Variants in TENM3 observed in about 807,000 individuals in gnomAD.
The protein encoded by TENM3 is teneurin transmembrane protein 3, also known as teneurin-3.
TENM3 carries 63 observed loss-of-function variants against 255.1 expected under a neutral mutation model. The observed-to-expected ratio is 0.25, with a 90% CI of 0.20 to 0.30. TENM3 has a LOEUF of 0.30. Ranked by LOEUF, TENM3 falls within the 10% of genes least tolerant of loss-of-function variation. TENM3 has a pLI of 1.00. For missense variants in TENM3, 2,929 were observed against 3,461.1 expected, an observed-to-expected ratio of 0.85 and a Z score of 3.86; for synonymous variants, 1,306 against 1,322.3, an observed-to-expected ratio of 0.99 and a Z score of 0.27.
chr4:182,771,326 T>G (rs1011495471), intron 22 of TENM3, among the ~76,000 whole-genome samples: 1 of 152,062 alleles, frequency 6.6e-6, no homozygotes, highest in Admixed American at 6.6e-5. Flanking sequence ...GGTGGTACAA[T>G]CTATATAAAG....
At chr4:181,499,897 C>T in the TENM3 span, among the ~76,000 whole-genome samples, 34 of 152,264 alleles carry the variant, frequency 2.2e-4, no homozygotes, top group African/African-American at 5.3e-4. Flanking sequence ...TCAGAAGTGG[C>T]GCAGTCTAGA....
At chr4:181,750,757 C>T in the TENM3 span, among the ~76,000 whole-genome samples, 2 of 152,112 alleles carry the variant, frequency 1.3e-5, no homozygotes, top group Non-Finnish European at 2.9e-5. Context: ...TTTGGGCCAC[C>T]CACATGTTGG....
the TENM3 span, among the ~76,000 whole-genome samples, chr4:181,892,698 C>T: frequency 6.6e-6 from 1 of 152,074 alleles, no homozygotes; most frequent in South Asian, 2.1e-4. Context: ...TCCTACACAT[C>T]GTTAATACTC....
chr4:181,630,242 A>G, the TENM3 span, among the ~76,000 whole-genome samples: 13,613 of 152,088 alleles, frequency 0.09, 643 homozygotes, highest in East Asian at 0.14. Context: ...ATCTTTATTA[A>G]TCTTGCTAGT....
chr4:182,499,886 C>T (rs1431779228), intron 3 of TENM3, among the ~76,000 whole-genome samples: 3 of 152,256 alleles, frequency 2.0e-5, no homozygotes, highest in Non-Finnish European at 4.4e-5. Context: ...ATGCTGTATA[C>T]ATAAACATTG....
intron 1 of TENM3, among the ~76,000 whole-genome samples, chr4:182,192,518 G>C (rs1295004394): frequency 6.6e-6 from 1 of 152,136 alleles, no homozygotes; most frequent in Admixed American, 6.6e-5. Context: ...TCATTAACTG[G>C]CATACAGTGA....
the TENM3 span, among the ~76,000 whole-genome samples, chr4:181,678,196 A>C: frequency 6.6e-6 from 1 of 152,108 alleles, no homozygotes; most frequent in Non-Finnish European, 1.5e-5. Context: ...ATCACTGAAC[A>C]CCACAAAAAT....
In TENM3 at chr4:182,442,181, A is replaced by C. The variant is rs181565109; in HGVS notation, c.511+95252A>C. Among the ~76,000 whole-genome samples, 3 of 152,342 alleles carry C rather than the reference A, an allele frequency of 2.0e-5. No homozygotes were observed. The East Asian group carries it at 5.8e-4, about 29-fold the overall frequency. Reference sequence around the variant, plus strand: ...TGCATAAATATATGTGCATACTCATAAATCGTGTTCACAAAGTCAGAAAAT... The same window carrying C: ...TGCATAAATATATGTGCATACTCATCAATCGTGTTCACAAAGTCAGAAAAT... On this transcript the variant is annotated intron_variant, in intron 3 of 27. Coordinates refer to ENST00000511685, the MANE Select transcript of TENM3 (RefSeq NM_001080477.4).
the TENM3 span, among the ~76,000 whole-genome samples, chr4:181,605,543 A>AG: frequency 3.6e-5 from 1 of 27,472 alleles, no homozygotes; most frequent in African/African-American, 7.4e-5. Flanking sequence ...AGAAAGAAAG[A>AG]AAGAAAGAAA....
intron 1 of TENM3, among the ~76,000 whole-genome samples, chr4:182,291,948 A>G (rs1435653285): frequency 6.6e-6 from 1 of 152,056 alleles, no homozygotes; most frequent in Non-Finnish European, 1.5e-5. Flanking sequence ...TCAGCCCTAG[A>G]ATGGTTTTCT....
At chr4:182,456,232 C>T (rs946867489) in intron 3 of TENM3, among the ~76,000 whole-genome samples, 1 of 152,170 alleles carries the variant, frequency 6.6e-6, no homozygotes, top group Non-Finnish European at 1.5e-5. Flanking sequence ...CTGGCCTGTC[C>T]GTGCTGTCAG....
chr4:182,215,156 G>C (rs985485579), intron 1 of TENM3, among the ~76,000 whole-genome samples: 10 of 152,188 alleles, frequency 6.6e-5, no homozygotes, highest in African/African-American at 2.4e-4. Context: ...CACTGGGGCA[G>C]CAGGGTTGTA....
chr4:182,354,898 A>G (rs568022366), intron 3 of TENM3, among the ~76,000 whole-genome samples: 1 of 152,358 alleles, frequency 6.6e-6, no homozygotes, highest in South Asian at 2.1e-4. Flanking sequence ...CTTATTTAGT[A>G]TATCAACTAA....
chr4:182,177,639 CAAAACTACTT>C lies in TENM3; in HGVS notation c.-76+32888_-76+32897del, dbSNP rs1752581610. Among the ~76,000 whole-genome samples, 3 of 150,164 alleles carry C rather than the reference CAAAACTACTT, an allele frequency of 2.0e-5. No homozygotes were observed. In the South Asian group the frequency reaches 6.3e-4, roughly 32 times the overall value. ...ATTTTTTTTTTTTTTGCTCTACCCT[CAAAACTACTT>C]AAGTGATGTTGCTTGTTGAAAGGTT... is the stretch of plus-strand genomic sequence containing the variant. On this transcript the variant is annotated intron_variant, in intron 1 of 2. Coordinates refer to the TENM3 transcript ENST00000512480.
At chr4:181,737,928 G>A in the TENM3 span, among the ~76,000 whole-genome samples, 7 of 150,682 alleles carry the variant, frequency 4.6e-5, no homozygotes, top group East Asian at 3.9e-4. Flanking sequence ...TTGCCAACTC[G>A]TATCTGGGGA....
intron 5 of TENM3, among the ~76,000 whole-genome samples, chr4:182,647,745 G>A (rs1338114183): frequency 6.6e-6 from 1 of 152,220 alleles, no homozygotes; most frequent in Non-Finnish European, 1.5e-5. Context: ...GTAGCCTGAA[G>A]TGGGATTGCT....
At chr4:181,697,882 C>T in the TENM3 span, among the ~76,000 whole-genome samples, 1 of 151,938 alleles carries the variant, frequency 6.6e-6, no homozygotes, top group Non-Finnish European at 1.5e-5. Flanking sequence ...GGTTTTTGCT[C>T]CTAATATCTA....
At chr4:182,092,370 A>G in the TENM3 span, among the ~76,000 whole-genome samples, 22,215 of 151,972 alleles carry the variant, frequency 0.15, 1,710 homozygotes, top group Non-Finnish European at 0.17. Flanking sequence ...ACTACAGGGC[A>G]GGCATGGTGG....
rs146413619 is a variant in TENM3 at position 182,655,284 on chromosome 4, G to A, written c.1111+1391G>A. ...TGGTACTTATTAACCATACATGTAG[G>A]GAACTTTTTTACAGACTGAAGAAAT... On this transcript the variant is annotated intron_variant, in intron 6 of 27. Transcript: ENST00000511685. 3.0e-3 allele frequency among the ~76,000 whole-genome samples: 450 copies of A among 152,130 alleles called. 2 individuals are homozygous for A. The highest frequency in any genetic ancestry group is 6.8e-3 in the Middle Eastern group (2 of 294).
Sources: gnomAD v4.1 joint callset for allele counts (sites outside exome capture counted in the v4.1 genomes callset) on GRCh38, gnomAD v4.1.1 for gene constraint, MANE v1.5 for transcripts, NCBI Gene and HGNC (gene_info 2026-07-23, HGNC 2026-07-21) for gene names.